Variants in VPS28 observed in about 807,000 individuals in gnomAD.
VPS28 encodes vacuolar protein sorting-associated protein 28 homolog.
In VPS28, 29 loss-of-function variants were observed where a neutral mutation model predicts 33.7. The observed-to-expected ratio is 0.86, with a 90% confidence interval of 0.64 to 1.17. The LOEUF is 1.17. VPS28 is among the 50% of genes most tolerant of loss of function. The pLI, the probability that VPS28 is intolerant of heterozygous loss-of-function variation, is 0.00. For missense variants in VPS28, 247 were observed against 312.2 expected (o/e 0.79, Z 1.57); for synonymous variants, 164 against 116.7 (o/e 1.40, Z -2.61).
intron 2 of VPS28, chr8:144,426,505 G>A (rs7842602): frequency 0.49 from 214,654 of 439,182 alleles, 55,110 homozygotes; most frequent in Middle Eastern, 0.62. Context: ...GCGGCTCCCC[G>A]GGGGACCGCA....
intron 3 of VPS28, 46 bp from the exon 4 acceptor site, chr8:144,426,109 C>T: frequency 6.4e-7 from 1 of 1,566,976 alleles, no homozygotes; most frequent in Non-Finnish European, 8.7e-7. Context: ...ACAGGGGCTG[C>T]AGGACCCTGG....
At chr8:144,427,517 G>A (rs1455206532) in intron 1 of VPS28, among the ~76,000 whole-genome samples, 4 of 152,148 alleles carry the variant, frequency 2.6e-5, no homozygotes, top group African/African-American at 4.8e-5. Context: ...GAGGTTGAGG[G>A]AGGTTATGAG....
At chr8:144,424,509 C>A in intron 7 of VPS28, 5 of 787,016 alleles carry the variant, frequency 6.4e-6, no homozygotes, top group Non-Finnish European at 9.9e-6. Flanking sequence ...CCAGAACGCA[C>A]CCTGTGCTCA....
chr8:144,428,249 C>G (rs1564722370), intron 1 of VPS28, among the ~76,000 whole-genome samples: 3 of 152,250 alleles, frequency 2.0e-5, no homozygotes, highest in South Asian at 4.1e-4. Flanking sequence ...CCCAACCACG[C>G]AGGAGCTTCT....
Position 144,426,056 on chromosome 8 carries a change from T to C in VPS28, c.74A>G (p.Lys25Arg), listed in dbSNP as rs1554876655. The C allele has an allele frequency of 1.9e-6, 3 of 1,540,974 alleles. No homozygotes were observed. The highest frequency in any genetic ancestry group is 2.6e-6 in the Non-Finnish European group (3 of 1,138,422). The change falls in exon 4 of 10, where the codon AAG (lysine) becomes AGG (arginine). Residue 25 changes from lysine to arginine, a missense_variant. Physicochemically the swap from Lys to Arg is conservative, Grantham distance 26 (BLOSUM62 2). Transcript: ENST00000292510. ...CCTCTCCCGGGCGTTCTTGTACAAC[T>C]TCACTTCCTGCCGGAGAGAGCGGGC... ...GNKPELYEEV[K>R]LYKNAREREK...
chr8:144,424,052 C>A lies in VPS28; in HGVS notation c.537G>T (p.Thr179=). 1 of 1,575,624 alleles carries A rather than the reference C, an allele frequency of 6.3e-7. No homozygotes were observed. The highest frequency in any genetic ancestry group is 8.6e-7 in the Non-Finnish European group (1 of 1,157,330). Residue 179 remains threonine (T), a synonymous_variant, in exon 9 of 10, where the codon ACG becomes ACT. Coordinates refer to ENST00000292510, the MANE Select transcript of VPS28 (RefSeq NM_016208.4). ...GGAGGGACACCCACCACTGGCTGAC[C>A]GTCTGGCGGCCCTCAAAGTCGGGTG... ...HLPPDFEGRQ[T]VSQWLQTLSG...
chr8:144,424,597 C>T (rs1822592899), intron 7 of VPS28, 121 bp downstream of exon 7: 1 of 1,141,768 alleles, frequency 8.8e-7, no homozygotes, highest in South Asian at 1.3e-5. Flanking sequence ...AAAGGGGTTC[C>T]CTTCTGCCCA....
intron 2 of VPS28, 151 bp downstream of exon 2, chr8:144,426,758 T>G: frequency 2.6e-6 from 2 of 770,500 alleles, no homozygotes; most frequent in Non-Finnish European, 4.2e-6. Context: ...CCCTCAGTGC[T>G]CCTGCAATGA....
chr8:144,424,363 C>T (rs1440246471), intron 7 of VPS28, 95 bp from the exon 8 acceptor site: 2 of 1,459,650 alleles, frequency 1.4e-6, no homozygotes, highest in Non-Finnish European at 1.8e-6. Context: ...ACAGCTGTCA[C>T]TTGGGCCTCC....
At chr8:144,425,232 G>T (rs1045433144) in intron 5 of VPS28, 181 bp from the exon 6 acceptor site, 11 of 615,300 alleles carry the variant, frequency 1.8e-5, no homozygotes, top group Admixed American at 2.9e-5. Context: ...GCACGTAGTG[G>T]GGCTTGTAGC....
chr8:144,424,293 C>T (rs782288725), intron 7 of VPS28, 25 bp from the exon 8 acceptor site: 2 of 1,572,154 alleles, frequency 1.3e-6, no homozygotes, highest in Non-Finnish European at 1.7e-6. Context: ...GCACATGAGG[C>T]TCGCGTGTCC....
At position 144,423,874 on chromosome 8, in the gene VPS28, T is replaced by A; in HGVS notation, c.597A>T (p.Ser199=). ...GMSASDELDD[S]QVRQMLFDLE... Reference sequence around the variant, plus strand: ...GGTCGAACAGCATCTGACGCACCTGTGAGTCGTCCAGCTCATCTGACGCCG... The same window carrying A: ...GGTCGAACAGCATCTGACGCACCTGAGAGTCGTCCAGCTCATCTGACGCCG... Residue 199 remains serine (S), a synonymous_variant, in exon 10 of 10, where the codon TCA becomes TCT. Coordinates refer to ENST00000292510, the MANE Select transcript of VPS28 (RefSeq NM_016208.4). 1 of 1,613,106 alleles carries A rather than the reference T, an allele frequency of 6.2e-7. No individual in the cohort carries two copies. Among genetic ancestry groups the A allele is most frequent in the Non-Finnish European group, 8.5e-7 (1 of 1,180,034 alleles).
In VPS28 at chr8:144,425,696, C is replaced by G; in HGVS notation, c.181G>C (p.Val61Leu). 2 of 1,613,882 alleles carry G rather than the reference C, an allele frequency of 1.2e-6. No individual in the cohort carries two copies. Among genetic ancestry groups the G allele is most frequent in the Non-Finnish European group, 8.5e-7 (1 of 1,179,888 alleles). ...ALEKAYIKDC[V>L]SPSEYTAACS... ...GTGGGCTCTTACTCGCTGGGGGAGA[C>G]ACAGTCCTTGATGTAGGCCTTCTCC... The change falls in exon 5 of 10, where the codon GTC becomes CTC. Residue 61 changes from valine to leucine, a missense_variant. By Grantham distance (32) the Val-to-Leu change is conservative. This residue lies in a region of VPS28 where 149 missense variants were observed against 172.8 expected (regional missense o/e 0.86). Transcript: ENST00000292510.
At position 144,424,815 on chromosome 8, in the gene VPS28, T is replaced by A; in HGVS notation, c.305A>T (p.Asp102Val). ...IDEFCRKFRLDCPLAMERIKE... is the reference protein window; with the variant it reads ...IDEFCRKFRLVCPLAMERIKE... ...GATCCGCTCCATGGCCAGCGGGCAGTCCAGCTGTTGGGGGTGACATGGGTG... is the reference window on the plus strand; with the variant it reads ...GATCCGCTCCATGGCCAGCGGGCAGACCAGCTGTTGGGGGTGACATGGGTG... The change falls in exon 7 of 10, where the codon GAC becomes GTC. Residue 102 changes from aspartate (D) to valine (V), a missense_variant. By Grantham distance (152) the Asp-to-Val change is radical. Transcript: ENST00000292510. 2 of 1,613,836 alleles carry A rather than the reference T, an allele frequency of 1.2e-6. No homozygotes were observed. Among genetic ancestry groups the A allele is most frequent in the Non-Finnish European group, 1.7e-6 (2 of 1,179,996 alleles).
chr8:144,426,028 C>T lies in VPS28; in HGVS notation c.102G>A (p.Glu34=). ...VKLYKNARER[E]KYDNMAELFA... The stretch of plus-strand genomic sequence containing the variant: ...ACAGCCTGGGCGCCTGGACTTACTT[C>T]TCCCTCTCCCGGGCGTTCTTGTACA... Residue 34 remains glutamate, a splice_region_variant and synonymous_variant, in exon 4 of 10, where the codon GAG becomes GAA. Coordinates refer to ENST00000292510, the MANE Select transcript of VPS28 (RefSeq NM_016208.4). The T allele has an allele frequency of 2.6e-6, 4 of 1,521,422 alleles. No individual in the cohort carries two copies. The highest frequency in any genetic ancestry group is 3.5e-6 in the Non-Finnish European group (4 of 1,126,952). 94.2% of individuals were successfully genotyped at this position (1,521,422 alleles called of 1,614,324 possible).
At chr8:144,427,671 G>A (rs539742845) in intron 1 of VPS28, among the ~76,000 whole-genome samples, 3 of 152,318 alleles carry the variant, frequency 2.0e-5, no homozygotes, top group South Asian at 4.1e-4. Context: ...GGGTCCTAGG[G>A]AATGAAGATG....
chr8:144,425,102 C>T (rs1158362635), intron 5 of VPS28, 51 bp from the exon 6 acceptor site: 2 of 1,495,282 alleles, frequency 1.3e-6, no homozygotes, highest in Non-Finnish European at 1.8e-6. Context: ...CCACCCAGCT[C>T]ATCCTACCCC....
chr8:144,425,539 T>G, intron 5 of VPS28, 144 bp downstream of exon 5: 7 of 830,064 alleles, frequency 8.4e-6, no homozygotes, highest in East Asian at 5.4e-5. Context: ...CTTCCCTGGC[T>G]GAGACCCAGG....
chr8:144,427,056 T>C, intron 1 of VPS28, 77 bp from the exon 2 acceptor site: 1 of 1,180,672 alleles, frequency 8.5e-7, no homozygotes, highest in South Asian at 1.4e-5. Context: ...TCCCAGCACT[T>C]TGGGAGGCCG....
Sources: gnomAD v4.1 joint callset for allele counts (sites outside exome capture counted in the v4.1 genomes callset) on GRCh38, gnomAD v4.1.1 for gene constraint, gnomAD v4.1.1 regional missense constraint, MANE v1.5 for transcripts, NCBI Gene and HGNC (gene_info 2026-07-23, HGNC 2026-07-21) for gene names.